METAP1D: variants seen among roughly 807,000 people sequenced by gnomAD.
The protein encoded by METAP1D is methionyl aminopeptidase type 1D, mitochondrial, also known as methionine aminopeptidase 1D, mitochondrial.
Under a neutral mutation model 40.5 loss-of-function variants are expected in METAP1D, and 31 were observed. The ratio of observed to expected loss-of-function variants is 0.77; its 90% CI spans 0.58 to 1.03. METAP1D has a LOEUF of 1.03. METAP1D is among the 50% of genes least tolerant of loss of function. The pLI, the probability that METAP1D is intolerant of heterozygous loss-of-function variation, is 0.00. For synonymous variants in METAP1D, 151 were observed against 146.4 expected, an observed-to-expected ratio of 1.03 and a Z score of -0.22; for missense variants, 411 against 420.7, an observed-to-expected ratio of 0.98 and a Z score of 0.20.
At chr2:172,045,813 GTGTGTGTATATATA>G (rs1287919017) in intron 1 of METAP1D, among the ~76,000 whole-genome samples, 63 of 39,366 alleles carry the variant, frequency 1.6e-3, no homozygotes, top group African/African-American at 4.6e-3. Flanking sequence ...GTGTGTGTGT[GTGTGTGTATATATA>G]TATATATATA....
chr2:172,079,868 C>T (rs995881191), intron 8 of METAP1D, among the ~76,000 whole-genome samples: 1 of 152,110 alleles, frequency 6.6e-6, no homozygotes, highest in Non-Finnish European at 1.5e-5. Context: ...GATTAAAATG[C>T]CCTTCTTTCT....
At chr2:172,074,607 CA>C (rs200250214) in intron 6 of METAP1D, among the ~76,000 whole-genome samples, 22 of 151,848 alleles carry the variant, frequency 1.4e-4, no homozygotes, top group Non-Finnish European at 4.4e-5. Context: ...TGGTTTGAAA[CA>C]AAAAAAATCT....
chr2:172,080,455 C>G lies in METAP1D; in HGVS notation c.*49C>G. 2 of 1,587,448 alleles carry G rather than the reference C, an allele frequency of 1.3e-6. No individual in the cohort carries two copies. Among genetic ancestry groups the G allele is most frequent in the East Asian group, 4.5e-5 (2 of 44,756 alleles). The stretch of plus-strand genomic sequence containing the variant: ...ACCTGGTGCCTTTTTAAATAAATTG[C>G]TGAAATTTGGCTGGAGAACTTTTAG... On this transcript the variant is annotated 3_prime_UTR_variant, in exon 10 of 10. Coordinates refer to ENST00000315796, the MANE Select transcript of METAP1D (RefSeq NM_199227.3).
At chr2:172,063,957 AATTTGTTTTAAAAATTT>A in intron 3 of METAP1D, 97 bp downstream of exon 3, 8 of 1,312,952 alleles carry the variant, frequency 6.1e-6, no homozygotes, top group Non-Finnish European at 6.9e-6. Flanking sequence ...GTTGACATCT[AATTTGTTTTAAAAATTT>A]ATTTGTTTTA....
intron 8 of METAP1D, 147 bp from the exon 9 acceptor site, chr2:172,079,981 T>G (rs1346601798): frequency 1.5e-6 from 1 of 669,250 alleles, no homozygotes; most frequent in East Asian, 2.7e-5. Flanking sequence ...ACATCAATTA[T>G]CAACCCTTGC....
chr2:172,023,683 T>G (rs1314959189), intron 1 of METAP1D, among the ~76,000 whole-genome samples: 3 of 152,146 alleles, frequency 2.0e-5, no homozygotes, highest in African/African-American at 7.2e-5. Flanking sequence ...TCTAGCATGT[T>G]GAAGTATTAT....
intron 1 of METAP1D, among the ~76,000 whole-genome samples, chr2:172,035,130 T>C (rs1267125093): frequency 6.8e-6 from 1 of 147,844 alleles, no homozygotes; most frequent in African/African-American, 2.5e-5. Flanking sequence ...CAAATACCTA[T>C]GTAACTACTG....
intron 1 of METAP1D, among the ~76,000 whole-genome samples, chr2:172,013,828 T>C (rs2105383427): frequency 6.6e-6 from 1 of 150,702 alleles, no homozygotes; most frequent in African/African-American, 2.4e-5. Context: ...TTTTTCTTTT[T>C]TTTTTTTTTT....
intron 2 of METAP1D, 88 bp downstream of exon 2, chr2:172,061,743 T>G (rs1690148738): frequency 8.2e-7 from 1 of 1,222,980 alleles, no homozygotes; most frequent in South Asian, 2.3e-5. Context: ...ACCTTTGATT[T>G]CTGAGCCATT....
chr2:172,044,896 A>T (rs568905879), intron 1 of METAP1D, among the ~76,000 whole-genome samples: 1 of 132,266 alleles, frequency 7.6e-6, no homozygotes, highest in East Asian at 2.0e-4. Flanking sequence ...CTCAAAAAAA[A>T]TAAATAAATA....
intron 1 of METAP1D, among the ~76,000 whole-genome samples, chr2:172,020,991 A>G (rs1688991452): frequency 6.6e-6 from 1 of 152,176 alleles, no homozygotes; most frequent in African/African-American, 2.4e-5. Flanking sequence ...AGGAGTCAAA[A>G]GTAAATTGTG....
At chr2:172,043,511 A>T (rs1177816643) in intron 1 of METAP1D, among the ~76,000 whole-genome samples, 1 of 134,992 alleles carries the variant, frequency 7.4e-6, no homozygotes, top group East Asian at 2.0e-4. Context: ...GAAAGAACAT[A>T]AAAATATGAC....
intron 1 of METAP1D, among the ~76,000 whole-genome samples, chr2:172,049,321 T>G (rs1189852502): frequency 1.3e-5 from 2 of 151,110 alleles, no homozygotes; most frequent in East Asian, 1.9e-4. Context: ...AGTTGAACAT[T>G]CATATCCTTA....
chr2:172,070,959 A>G lies in METAP1D; in HGVS notation c.593A>G (p.Asn198Ser), dbSNP rs1559020721. 4.3e-6 allele frequency: 7 copies of G among 1,612,946 alleles called. No individual in the cohort carries two copies. The highest frequency in any genetic ancestry group is 5.1e-6 in the Non-Finnish European group (6 of 1,179,246). ...ACCTCTGAAACATTTTTGGTGGGCAATGTGGACGAATGTGGTAAAAAGTTA... is the reference window on the plus strand; with the variant it reads ...ACCTCTGAAACATTTTTGGTGGGCAGTGTGGACGAATGTGGTAAAAAGTTA... ...GDTSETFLVG[N>S]VDECGKKLVE... The change falls in exon 6 of 10, where the codon AAT (asparagine) becomes AGT (serine). Residue 198 changes from asparagine to serine, a missense_variant. Asn to Ser is a conservative substitution (Grantham distance 46, BLOSUM62 1). Coordinates refer to ENST00000315796, the MANE Select transcript of METAP1D (RefSeq NM_199227.3).
At chr2:172,003,965 C>T (rs1396477325) in intron 1 of METAP1D, among the ~76,000 whole-genome samples, 2 of 152,120 alleles carry the variant, frequency 1.3e-5, no homozygotes, top group Admixed American at 6.5e-5. Context: ...GGGGTTTTGC[C>T]ATGTTGGCCA....
At chr2:172,067,024 A>G (rs1052983639) in intron 5 of METAP1D, among the ~76,000 whole-genome samples, 5 of 152,314 alleles carry the variant, frequency 3.3e-5, no homozygotes, top group African/African-American at 1.2e-4. Context: ...TACAAGATGT[A>G]GCTTTTTCTC....
chr2:172,066,408 G>C, intron 5 of METAP1D, 102 bp downstream of exon 5: 1 of 944,984 alleles, frequency 1.1e-6, no homozygotes, highest in Non-Finnish European at 1.6e-6. Context: ...TGGAAGTGCT[G>C]TTTACTTCTA....
At chr2:172,068,186 C>A (rs1159213773) in intron 5 of METAP1D, among the ~76,000 whole-genome samples, 1 of 152,128 alleles carries the variant, frequency 6.6e-6, no homozygotes, top group Non-Finnish European at 1.5e-5. Context: ...GAGTTCAAGA[C>A]CAGCCTGGCC....
chr2:172,045,696 T>C (rs200904426), intron 1 of METAP1D, among the ~76,000 whole-genome samples: 1 of 88,250 alleles, frequency 1.1e-5, no homozygotes, highest in Non-Finnish European at 2.5e-5. Context: ...ATCATTCATA[T>C]ATATGTGTGT....
Sources: allele counts gnomAD v4.1 joint callset (sites outside exome capture counted in the v4.1 genomes callset), GRCh38; gene constraint gnomAD v4.1.1; transcripts MANE v1.5; gene names NCBI Gene and HGNC (gene_info 2026-07-23, HGNC 2026-07-21).